The following PCDH15 variants were observed in gnomAD, a reference collection of about 807,000 sequenced individuals.
PCDH15 encodes the protein protocadherin-15.
A neutral mutation model predicts 178.5 loss-of-function variants in PCDH15; 129 were observed. The observed-to-expected ratio is 0.72, with a 90% confidence interval of 0.63 to 0.84. The LOEUF is 0.84. Ranked by LOEUF, PCDH15 falls within the 40% of genes least tolerant of loss-of-function variation. PCDH15 has a pLI of 0.00. For synonymous variants in PCDH15, 800 were observed against 732.0 expected (o/e 1.09, Z -1.50); for missense variants, 2,230 against 2,099.9 (o/e 1.06, Z -1.21).
chr10:54,697,682 A>AAGG (rs1467281737), intron 1 of PCDH15, among the ~76,000 whole-genome samples: 12,946 of 83,906 alleles, frequency 0.15, 1,210 homozygotes, highest in African/African-American at 0.18. Context: ...AGGGGAAGGG[A>AAGG]GGAAGGGAGG....
intron 2 of PCDH15, among the ~76,000 whole-genome samples, chr10:54,935,135 A>G (rs1399802946): frequency 6.6e-6 from 1 of 151,898 alleles, no homozygotes; most frequent in Non-Finnish European, 1.5e-5. Flanking sequence ...ATGCTAAATG[A>G]GGAGTTAATG....
chr10:55,244,314 C>T (rs1210742948), intron 1 of PCDH15, among the ~76,000 whole-genome samples: 2 of 151,686 alleles, frequency 1.3e-5, no homozygotes, highest in African/African-American at 2.4e-5. Context: ...TATTTGCCAC[C>T]TTCTCTAGTG....
intron 2 of PCDH15, among the ~76,000 whole-genome samples, chr10:54,934,369 A>G (rs908152060): frequency 6.6e-6 from 1 of 152,148 alleles, no homozygotes; most frequent in Non-Finnish European, 1.5e-5. Context: ...TTGGAGGGTG[A>G]CTATAGTCTG....
intron 13 of PCDH15, among the ~76,000 whole-genome samples, chr10:54,176,093 C>A (rs1450087170): frequency 6.6e-6 from 1 of 152,016 alleles, no homozygotes; most frequent in African/African-American, 2.4e-5. Flanking sequence ...ATTCTTACGC[C>A]AAATAGAACA....
At chr10:54,924,756 G>A (rs1001752386) in intron 2 of PCDH15, among the ~76,000 whole-genome samples, 9 of 152,100 alleles carry the variant, frequency 5.9e-5, no homozygotes, top group African/African-American at 2.2e-4. Context: ...TTTAAAAAGT[G>A]TCTGTTCATG....
chr10:54,273,846 C>G lies in PCDH15; in HGVS notation c.877-36915G>C, dbSNP rs191865324. ...CACCGGCTATTCCCTCTGGAACACC[C>G]TTTTATTTCCTTCTCTAAGCAAAGA... On this transcript the variant is annotated intron_variant, in intron 8 of 37. Coordinates refer to ENST00000644397, the MANE Select transcript of PCDH15 (RefSeq NM_001384140.1). 1.4e-4 allele frequency among the ~76,000 whole-genome samples: 21 copies of G among 152,182 alleles called. No individual in the cohort carries two copies. The East Asian group carries it at 3.9e-3, about 28-fold the overall frequency.
At chr10:55,123,702 T>C (rs1837828830) in intron 2 of PCDH15, among the ~76,000 whole-genome samples, 1 of 152,168 alleles carries the variant, frequency 6.6e-6, no homozygotes, top group Non-Finnish European at 1.5e-5. Context: ...GAATGACTTA[T>C]ATAACTCAAA....
chr10:55,342,678 G>A lies in PCDH15; in HGVS notation c.-155-176027C>T, dbSNP rs1844638314. On this transcript the variant is annotated intron_variant, in intron 2 of 5. Transcript: ENST00000613346. ...GATTTTGGCAGGACTAAAATTAGAAGCAGCCTCTCTCCTGGTCTTAAAATA... is the reference window on the plus strand; with the variant it reads ...GATTTTGGCAGGACTAAAATTAGAAACAGCCTCTCTCCTGGTCTTAAAATA... Among the ~76,000 whole-genome samples the A allele has an allele frequency of 3.3e-5, 5 of 152,074 alleles. No homozygotes were observed. The South Asian group carries it at 1.0e-3, about 32-fold the overall frequency.
chr10:55,007,662 A>G (rs1163683108), intron 2 of PCDH15, among the ~76,000 whole-genome samples: 1 of 152,112 alleles, frequency 6.6e-6, no homozygotes, highest in East Asian at 1.9e-4. Flanking sequence ...AATGTTGTTT[A>G]AAAATAAATC....
At chr10:54,204,946 G>C (rs2050634446) in intron 10 of PCDH15, among the ~76,000 whole-genome samples, 1 of 151,984 alleles carries the variant, frequency 6.6e-6, no homozygotes, top group Admixed American at 6.6e-5. Context: ...AATTCCCAGG[G>C]GCTCAACCAA....
chr10:54,818,949 G>GGGC (rs1159472989), intron 3 of PCDH15, among the ~76,000 whole-genome samples: 1 of 151,882 alleles, frequency 6.6e-6, no homozygotes, highest in Non-Finnish European at 1.5e-5. Flanking sequence ...TTTAGAGACA[G>GGGC]GGCGTCATTT....
intron 3 of PCDH15, among the ~76,000 whole-genome samples, chr10:54,446,854 CAGG>C (rs2136230106): frequency 6.6e-6 from 1 of 151,582 alleles, no homozygotes; most frequent in Non-Finnish European, 1.5e-5. Flanking sequence ...CTTTGTCAAG[CAGG>C]AGAAGATAAC....
Position 53,943,995 on chromosome 10 carries a change from A to G in PCDH15, c.3123-3020T>C, listed in dbSNP as rs551127262. On this transcript the variant is annotated intron_variant, in intron 23 of 37. Transcript: ENST00000644397. ...CAAATTGCATACTCTCTTTGGAGTC[A>G]CATATGTCTTGAATACAAATGATGG... 6.6e-5 allele frequency among the ~76,000 whole-genome samples: 10 copies of G among 152,280 alleles called. No individual in the cohort carries two copies. The East Asian group carries it at 1.5e-3, about 23-fold the overall frequency.
In PCDH15 at chr10:55,157,937, T is replaced by C. The variant is rs539511102; in HGVS notation, c.-80+8639A>G. 8.0e-5 allele frequency among the ~76,000 whole-genome samples: 8 copies of C among 99,840 alleles called. No individual in the cohort carries two copies. In the East Asian group the frequency reaches 2.3e-3, roughly 28 times the overall value. The allele number at this position is 99,840 out of a possible 152,430, so 65.5% of individuals were successfully genotyped here. The stretch of plus-strand genomic sequence containing the variant: ...ACATGCATGTTGTGCACATGTACCC[T>C]AGAACTTAAAGGATAATTTAAAAAA... On this transcript the variant is annotated intron_variant, in intron 2 of 5. Transcript: ENST00000458638.
Position 54,743,502 on chromosome 10 carries a change from A to G in PCDH15, c.-29+57423T>C, listed in dbSNP as rs1203979050. Among the ~76,000 whole-genome samples, 2 of 152,180 alleles carry G rather than the reference A, an allele frequency of 1.3e-5. 1 individual carries two copies. The highest frequency in any genetic ancestry group is 4.1e-4 in the South Asian group (2 of 4,826). The stretch of plus-strand genomic sequence containing the variant: ...ATACGAAAAGATGCCATAATCGGAG[A>G]AAAAAGTTTGGAGATCATGAAGATG... On this transcript the variant is annotated intron_variant, in intron 1 of 37. Coordinates refer to ENST00000644397, the MANE Select transcript of PCDH15 (RefSeq NM_001384140.1).
intron 2 of PCDH15, among the ~76,000 whole-genome samples, chr10:55,470,550 A>C (rs2132106298): frequency 6.6e-6 from 1 of 152,210 alleles, no homozygotes; most frequent in East Asian, 1.9e-4. Context: ...GGAGGTGTTA[A>C]GTTCATAGCA....
chr10:53,893,412 T>A (rs966314438), intron 26 of PCDH15, among the ~76,000 whole-genome samples: 6 of 152,210 alleles, frequency 3.9e-5, no homozygotes, highest in Admixed American at 3.9e-4. Flanking sequence ...CAACATATGT[T>A]AAACAGGTTA....
At chr10:55,456,060 G>A (rs1312910637) in intron 2 of PCDH15, among the ~76,000 whole-genome samples, 2 of 152,084 alleles carry the variant, frequency 1.3e-5, no homozygotes, top group Non-Finnish European at 2.9e-5. Flanking sequence ...GGGCGTGATA[G>A]GGCATATGCC....
At chr10:54,519,528 G>T (rs2082613660) in intron 3 of PCDH15, among the ~76,000 whole-genome samples, 2 of 152,126 alleles carry the variant, frequency 1.3e-5, no homozygotes, top group African/African-American at 2.4e-5. Context: ...CCTCTTCAAG[G>T]AGAACTACAA....
Sources: gnomAD v4.1 joint callset for allele counts (sites outside exome capture counted in the v4.1 genomes callset) on GRCh38, gnomAD v4.1.1 for gene constraint, MANE v1.5 for transcripts, NCBI Gene and HGNC (gene_info 2026-07-23, HGNC 2026-07-21) for gene names.